The following FSTL5 variants were observed in gnomAD, a reference collection of about 807,000 sequenced individuals.
FSTL5 encodes the protein follistatin like 5.
In FSTL5, 62 loss-of-function variants were observed where a neutral mutation model predicts 89.1. The ratio of observed to expected loss-of-function variants is 0.70; its 90% CI spans 0.57 to 0.86. The LOEUF (loss-of-function observed/expected upper bound fraction) is 0.86, where lower values mean the gene tolerates loss of function less well. Among genes scored for constraint, FSTL5 ranks in the 40% least tolerant of loss-of-function variants. The pLI is 0.00. For synonymous variants in FSTL5, 383 were observed against 346.2 expected (o/e 1.11, Z -1.18); for missense variants, 1,057 against 1,001.6 (o/e 1.06, Z -0.75).
intron 2 of FSTL5, among the ~76,000 whole-genome samples, chr4:162,100,730 T>G (rs375451683): frequency 6.6e-6 from 1 of 152,124 alleles, no homozygotes; most frequent in East Asian, 1.9e-4. Context: ...TGATACAGGA[T>G]GTTAATAAAG....
At chr4:162,028,401 AC>A (rs1737383440) in intron 3 of FSTL5, among the ~76,000 whole-genome samples, 1 of 152,084 alleles carries the variant, frequency 6.6e-6, no homozygotes, top group African/African-American at 2.4e-5. Flanking sequence ...ACATGGCAAA[AC>A]CCCAACTCTA....
chr4:161,669,144 A>AAAAAG (rs1300690250), intron 6 of FSTL5, among the ~76,000 whole-genome samples: 1 of 147,334 alleles, frequency 6.8e-6, no homozygotes, highest in Non-Finnish European at 1.5e-5. Context: ...AAAATAAAAG[A>AAAAAG]AAAAGAAAAA....
chr4:161,602,251 GA>G (rs1491302987), intron 7 of FSTL5, among the ~76,000 whole-genome samples: 4 of 100,940 alleles, frequency 4.0e-5, no homozygotes, highest in Non-Finnish European at 8.0e-5. Flanking sequence ...GAGAGGGAGA[GA>G]AAGAGAGAGA....
At position 161,775,307 on chromosome 4, in the gene FSTL5, A is replaced by C. The variant is rs141773192; in HGVS notation, c.606+571T>G. Among the ~76,000 whole-genome samples the C allele has an allele frequency of 2.6e-5, 4 of 152,234 alleles. 1 individual carries two copies. Among genetic ancestry groups the C allele is most frequent in the Admixed American group, 2.6e-4 (4 of 15,284 alleles). Reference sequence around the variant, plus strand: ...CTGCCTAATTGGGCTTCTTCTCTTCATTATTCTCTAAAATCAGTGTATAGT... The same window carrying C: ...CTGCCTAATTGGGCTTCTTCTCTTCCTTATTCTCTAAAATCAGTGTATAGT... On this transcript the variant is annotated intron_variant, in intron 5 of 15. Coordinates refer to ENST00000306100, the MANE Select transcript of FSTL5 (RefSeq NM_020116.5).
intron 6 of FSTL5, among the ~76,000 whole-genome samples, chr4:161,691,150 T>G (rs1374150021): frequency 3.3e-5 from 5 of 150,898 alleles, no homozygotes; most frequent in Non-Finnish European, 5.9e-5. Flanking sequence ...TTTGCCCCTG[T>G]TTTTTTTTCT....
Position 161,887,830 on chromosome 4 carries a change from T to C in FSTL5, c.409+32574A>G, listed in dbSNP as rs193117445. Among the ~76,000 whole-genome samples, 136 of 152,314 alleles carry C rather than the reference T, an allele frequency of 8.9e-4. 1 individual carries two copies. The highest frequency in any genetic ancestry group is 2.9e-3 in the African/African-American group (122 of 41,570). ...CATAGGAAAATGCTCAAACCTAATA[T>C]AATTCATTCATTTTACAAGTAAGGA... On this transcript the variant is annotated intron_variant, in intron 4 of 15. Coordinates refer to ENST00000306100, the MANE Select transcript of FSTL5 (RefSeq NM_020116.5).
chr4:161,662,778 CA>C (rs1736762162), intron 6 of FSTL5, among the ~76,000 whole-genome samples: 1 of 152,086 alleles, frequency 6.6e-6, no homozygotes, highest in Non-Finnish European at 1.5e-5. Flanking sequence ...GCAAAGCGAA[CA>C]AAAAACTAGG....
Position 161,384,124 on chromosome 4 carries a change from C to A in FSTL5, c.*1623G>T, listed in dbSNP as rs1454383947. On this transcript the variant is annotated 3_prime_UTR_variant, in exon 16 of 16. Transcript: ENST00000306100. Reference sequence around the variant, plus strand: ...TTTTTGTTGTTTATTAAATCTACCTCGCATGTTTCTGCTAAGAAGAAATCT... The same window carrying A: ...TTTTTGTTGTTTATTAAATCTACCTAGCATGTTTCTGCTAAGAAGAAATCT... 6.6e-6 allele frequency: 1 copy of A among 152,088 alleles called. No homozygotes were observed. The highest frequency in any genetic ancestry group is 2.4e-5 in the African/African-American group (1 of 41,414). The allele number at this position is 152,088 out of a possible 1,614,324, so 9.4% of individuals were successfully genotyped here.
At chr4:162,001,598 T>TTGTGTGTG (rs34546507) in intron 3 of FSTL5, among the ~76,000 whole-genome samples, 40,796 of 149,790 alleles carry the variant, frequency 0.27, 5,430 homozygotes, top group Admixed American at 0.31. Flanking sequence ...GATACATGCA[T>TTGTGTGTG]TGTGTGTGTG....
intron 2 of FSTL5, among the ~76,000 whole-genome samples, chr4:162,043,829 T>C (rs1738068898): frequency 6.6e-6 from 1 of 152,218 alleles, no homozygotes; most frequent in Non-Finnish European, 1.5e-5. Flanking sequence ...CCACTTTCTT[T>C]GCTCATTCAT....
At chr4:162,153,024 T>C (rs1223752806) in intron 1 of FSTL5, among the ~76,000 whole-genome samples, 1 of 152,138 alleles carries the variant, frequency 6.6e-6, no homozygotes, top group African/African-American at 2.4e-5. Context: ...TAAAACTGAA[T>C]AGAATTTTAC....
intron 4 of FSTL5, among the ~76,000 whole-genome samples, chr4:161,781,318 C>T (rs748062487): frequency 4.1e-5 from 6 of 147,582 alleles, no homozygotes; most frequent in Non-Finnish European, 5.9e-5. Context: ...TTAAAGGTAG[C>T]CTGAACATAA....
At chr4:162,141,175 G>A (rs1732725169) in intron 1 of FSTL5, among the ~76,000 whole-genome samples, 1 of 75,604 alleles carries the variant, frequency 1.3e-5, no homozygotes, top group Non-Finnish European at 2.8e-5. Flanking sequence ...GGAGTGCAGT[G>A]GCGCGATCTC....
At position 161,542,586 on chromosome 4, in the gene FSTL5, A is replaced by G. The variant is rs1356939139; in HGVS notation, c.1123T>C (p.Leu375=). ...GGTGTAATATCAATTCCATTCTTCAACCAGCCAAGCTGAGGCTTTGGTATG... is the reference window on the plus strand; with the variant it reads ...GGTGTAATATCAATTCCATTCTTCAGCCAGCCAAGCTGAGGCTTTGGTATG... ...EGIPKPQLGW[L]KNGIDITPKL... is the part of the protein sequence containing the mutation. Residue 375 remains leucine, a synonymous_variant, in exon 9 of 16, where the codon TTG becomes CTG. Transcript: ENST00000306100. 2 of 1,566,244 alleles carry G rather than the reference A, an allele frequency of 1.3e-6. No homozygotes were observed. Among genetic ancestry groups the G allele is most frequent in the Non-Finnish European group, 8.7e-7 (1 of 1,153,078 alleles).
intron 15 of FSTL5, among the ~76,000 whole-genome samples, chr4:161,446,021 A>T (rs776367162): frequency 7.9e-5 from 12 of 152,024 alleles, no homozygotes; most frequent in Admixed American, 6.6e-4. Context: ...ATAACTGGTA[A>T]TTTCTTTATT....
At chr4:161,675,970 A>G (rs1182130652) in intron 6 of FSTL5, among the ~76,000 whole-genome samples, 1 of 152,120 alleles carries the variant, frequency 6.6e-6, no homozygotes, top group Non-Finnish European at 1.5e-5. Context: ...AATTTGTATG[A>G]TACAATTGTA....
intron 6 of FSTL5, among the ~76,000 whole-genome samples, chr4:161,752,954 C>A (rs1195462894): frequency 1.3e-5 from 2 of 152,308 alleles, no homozygotes; most frequent in Admixed American, 6.5e-5. Context: ...CCAGACACTG[C>A]ATTGGCTGGT....
chr4:162,061,689 A>C (rs1372432737), intron 2 of FSTL5, among the ~76,000 whole-genome samples: 1 of 152,158 alleles, frequency 6.6e-6, no homozygotes, highest in Non-Finnish European at 1.5e-5. Context: ...TTTAAACCAA[A>C]GCACGCAGTC....
At chr4:161,883,583 T>C (rs1205296082) in intron 4 of FSTL5, among the ~76,000 whole-genome samples, 2 of 152,082 alleles carry the variant, frequency 1.3e-5, no homozygotes, top group Non-Finnish European at 2.9e-5. Context: ...TGTTTCAATA[T>C]GGTTAATCTC....
Sources: gnomAD v4.1 joint callset for allele counts (sites outside exome capture counted in the v4.1 genomes callset) on GRCh38, gnomAD v4.1.1 for gene constraint, MANE v1.5 for transcripts, NCBI Gene and HGNC (gene_info 2026-07-23, HGNC 2026-07-21) for gene names.